Variants in CPSF6 observed in about 807,000 individuals in gnomAD.
The protein encoded by CPSF6 is cleavage and polyadenylation specificity factor subunit 6.
In CPSF6, 10 loss-of-function variants were observed where a neutral mutation model predicts 56.7. That is an observed-to-expected ratio of 0.18 (90% CI 0.11 to 0.30). The LOEUF is 0.30. CPSF6 is among the 10% of genes least tolerant of loss of function. CPSF6 has a pLI of 1.00. For missense variants in CPSF6, 419 were observed against 722.9 expected (o/e 0.58, Z 4.82); for synonymous variants, 248 against 244.8 (o/e 1.01, Z -0.12).
chr12:69,262,156 T>C (rs570919307), intron 8 of CPSF6, among the ~76,000 whole-genome samples: 1 of 152,340 alleles, frequency 6.6e-6, no homozygotes, highest in African/African-American at 2.4e-5. Flanking sequence ...GTGATGTGTC[T>C]GGTTGCTGAT....
At chr12:69,261,069 A>G (rs1284170705) in intron 8 of CPSF6, among the ~76,000 whole-genome samples, 1 of 152,108 alleles carries the variant, frequency 6.6e-6, no homozygotes, top group Non-Finnish European at 1.5e-5. Context: ...TAACTTTGAA[A>G]TTTTATATAT....
At chr12:69,253,197 TAC>T (rs745979109) in intron 3 of CPSF6, 43 bp downstream of exon 3, 11 of 984,686 alleles carry the variant, frequency 1.1e-5, no homozygotes, top group Non-Finnish European at 1.7e-5. Context: ...TAGCTAGTGA[TAC>T]AGTTTTTACA....
chr12:69,258,821 CACCACCTCCACAACAGGG>C lies in CPSF6; in HGVS notation c.938_955del (p.Gln313_Pro318del). 2 of 1,613,940 alleles carry C rather than the reference CACCACCTCCACAACAGGG, an allele frequency of 1.2e-6. No individual in the cohort carries two copies. The highest frequency in any genetic ancestry group is 1.7e-5 in the Admixed American group (1 of 60,012). ...CCAGGCTACGGCCCCCCTCCTGGCC[CACCACCTCCACAACAGGG>C]ACCACCTCCACCTCCAGGCCCCTTT... is the stretch of plus-strand genomic sequence containing the variant. On this transcript the variant is annotated inframe_deletion, in exon 6 of 10. Coordinates refer to ENST00000435070, the MANE Select transcript of CPSF6 (RefSeq NM_007007.3). This position sits in a 1 kb window ranked among gnomAD's most constrained non-coding sequence, Gnocchi z 4.2.
intron 1 of CPSF6, 54 bp downstream of exon 1, chr12:69,239,760 A>G: frequency 6.6e-7 from 1 of 1,518,380 alleles, no homozygotes. Context: ...GCGGCCGGGA[A>G]GCTGACCCGG....
intron 9 of CPSF6, among the ~76,000 whole-genome samples, chr12:69,266,399 A>G (rs986633119): frequency 4.6e-5 from 7 of 152,156 alleles, no homozygotes; most frequent in African/African-American, 1.7e-4. Flanking sequence ...CCTTGAATGG[A>G]TGTATAGTGT....
rs759769409 is a variant in CPSF6, at chr12:69,271,238, T to C, written c.*1730T>C. On this transcript the variant is annotated 3_prime_UTR_variant, in exon 10 of 10. Coordinates refer to ENST00000435070, the MANE Select transcript of CPSF6 (RefSeq NM_007007.3). ...TTAAAGCATTTTGTTGAAAATGCGGTTGCTTTTTTAACATTATTTTAGAGT... is the reference window on the plus strand; with the variant it reads ...TTAAAGCATTTTGTTGAAAATGCGGCTGCTTTTTTAACATTATTTTAGAGT... 5.3e-5 allele frequency: 8 copies of C among 152,222 alleles called. No individual in the cohort carries two copies. The highest frequency in any genetic ancestry group is 1.0e-4 in the Non-Finnish European group (7 of 67,710). 9.4% of individuals were successfully genotyped at this position (152,222 alleles called of 1,614,324 possible).
chr12:69,269,593 G>C lies in CPSF6; in HGVS notation c.*85G>C. The stretch of plus-strand genomic sequence containing the variant: ...GCTTGTCCAGCAGTTTGCTTCTTGT[G>C]ATTGAACTGAACCTGTAAGGATTCA... On this transcript the variant is annotated 3_prime_UTR_variant, in exon 10 of 10. Transcript: ENST00000435070. 1 of 435,110 alleles carries C rather than the reference G, an allele frequency of 2.3e-6. No individual in the cohort carries two copies. The highest frequency in any genetic ancestry group is 4.6e-6 in the Non-Finnish European group (1 of 216,926). The allele number at this position is 435,110 out of a possible 1,614,324, so 27.0% of individuals were successfully genotyped here.
chr12:69,259,513 A>C lies in CPSF6; in HGVS notation c.1285A>C (p.Ile429Leu), dbSNP rs748993794. The change falls in exon 7 of 10, where the codon ATT (isoleucine) becomes CTT (leucine). Residue 429 changes from isoleucine to leucine, a missense_variant. Ile to Leu is a conservative substitution (Grantham distance 5, BLOSUM62 2). Around this residue, in one of 4 missense-constraint regions of CPSF6, gnomAD observed 81 missense variants for 193.6 expected, o/e 0.42. Transcript: ENST00000435070. ...NRNRAISSSA[I>L]SRAVSDASAG... Reference sequence around the variant, plus strand: ...AAATAGGGCAATCTCAAGCAGTGCTATTTCGAGAGCTGTGTCTGATGCCAG... The same window carrying C: ...AAATAGGGCAATCTCAAGCAGTGCTCTTTCGAGAGCTGTGTCTGATGCCAG... 6.2e-7 allele frequency: 1 copy of C among 1,613,572 alleles called. No homozygotes were observed. Among genetic ancestry groups the C allele is most frequent in the South Asian group, 1.1e-5 (1 of 90,958 alleles).
Position 69,258,960 on chromosome 12 carries a change from G to A in CPSF6, c.1065G>A (p.Pro355=), listed in dbSNP as rs2231699. The change falls in exon 6 of 10, where the codon CCG becomes CCA. Residue 355 remains proline, a synonymous_variant. Transcript: ENST00000435070. The surrounding 1 kb of genome is among the most constrained non-coding windows in gnomAD (Gnocchi z 4.2). The part of the protein sequence containing the change: ...GPPPGAPPPA[P]HVNPAFFPPP... Reference sequence around the variant, plus strand: ...CTCCAGGTGCCCCACCGCCAGCTCCGCATGTGAACCCAGCTTTCTTTCCTC... The same window carrying A: ...CTCCAGGTGCCCCACCGCCAGCTCCACATGTGAACCCAGCTTTCTTTCCTC... 158 of 1,613,830 alleles carry A rather than the reference G, an allele frequency of 9.8e-5. No homozygotes were observed. The East Asian group carries it at 3.0e-3, about 31-fold the overall frequency.
intron 4 of CPSF6, among the ~76,000 whole-genome samples, chr12:69,257,127 A>T (rs1872544392): frequency 6.6e-6 from 1 of 152,212 alleles, no homozygotes; most frequent in South Asian, 2.1e-4. Flanking sequence ...TCTTAGATAC[A>T]GAAAGAAACT....
chr12:69,263,800 A>G (rs938377615), intron 9 of CPSF6, among the ~76,000 whole-genome samples: 1 of 152,092 alleles, frequency 6.6e-6, no homozygotes, highest in Non-Finnish European at 1.5e-5. Context: ...GAACACAGAT[A>G]TAAGCTCCTA....
chr12:69,267,323 C>T (rs1435943037), intron 9 of CPSF6, among the ~76,000 whole-genome samples: 1 of 151,910 alleles, frequency 6.6e-6, no homozygotes, highest in Non-Finnish European at 1.5e-5. Flanking sequence ...TCTTAAAATA[C>T]AAGTACTTCT....
chr12:69,265,260 A>G (rs1435163946), intron 9 of CPSF6, among the ~76,000 whole-genome samples: 3 of 152,178 alleles, frequency 2.0e-5, no homozygotes, highest in Non-Finnish European at 2.9e-5. Flanking sequence ...TGTAATTTCT[A>G]CCTCTATTCT....
intron 4 of CPSF6, among the ~76,000 whole-genome samples, chr12:69,257,068 A>C (rs1872542735): frequency 6.6e-6 from 1 of 152,220 alleles, no homozygotes; most frequent in South Asian, 2.1e-4. Flanking sequence ...AATACTATAC[A>C]ACAATGTGCA....
chr12:69,265,879 T>G (rs1288868047), intron 9 of CPSF6, among the ~76,000 whole-genome samples: 1 of 152,088 alleles, frequency 6.6e-6, no homozygotes, highest in Non-Finnish European at 1.5e-5. Context: ...TGGGATTGAT[T>G]ACAGGCGTGA....
chr12:69,255,031 G>C (rs776024845), intron 3 of CPSF6: 5 of 152,150 alleles, frequency 3.3e-5, no homozygotes, highest in Non-Finnish European at 5.9e-5. Flanking sequence ...AAGGAACCTT[G>C]TACCTGGTTA....
intron 1 of CPSF6, among the ~76,000 whole-genome samples, chr12:69,240,465 T>A (rs560643224): frequency 2.0e-5 from 3 of 152,122 alleles, no homozygotes; most frequent in Non-Finnish European, 4.4e-5. Flanking sequence ...GCCCAGTCGT[T>A]GTTGGCCTTT....
At chr12:69,259,888 G>A in intron 7 of CPSF6, 156 bp from the exon 8 acceptor site, 1 of 268,740 alleles carries the variant, frequency 3.7e-6, no homozygotes, top group Non-Finnish European at 5.7e-6. Context: ...AAAGGCTTTT[G>A]CAAATGGTGA....
At chr12:69,268,515 T>C (rs1354475621) in intron 9 of CPSF6, among the ~76,000 whole-genome samples, 1 of 151,748 alleles carries the variant, frequency 6.6e-6, no homozygotes, top group Middle Eastern at 3.2e-3. Flanking sequence ...TCAGTTATTT[T>C]TATTTCAAAA....
Sources: allele counts gnomAD v4.1 joint callset (sites outside exome capture counted in the v4.1 genomes callset), GRCh38; gene constraint gnomAD v4.1.1; regional missense constraint gnomAD v4.1.1; non-coding constraint Gnocchi (gnomAD v3.1); transcripts MANE v1.5; gene names NCBI Gene and HGNC (gene_info 2026-07-23, HGNC 2026-07-21).